PTPRD: variants seen among roughly 807,000 people sequenced by gnomAD.
PTPRD encodes protein tyrosine phosphatase receptor type D.
In PTPRD, 34 loss-of-function variants were observed where a neutral mutation model predicts 214.5. The ratio of observed to expected loss-of-function variants is 0.16; its 90% CI spans 0.12 to 0.21. The LOEUF (loss-of-function observed/expected upper bound fraction) is 0.21, where lower values mean the gene tolerates loss of function less well. PTPRD is among the 10% of genes least tolerant of loss of function. The pLI is 1.00. For synonymous variants in PTPRD, 1,128 were observed against 845.7 expected, an observed-to-expected ratio of 1.33 and a Z score of -5.79; for missense variants, 2,545 against 2,398.7, an observed-to-expected ratio of 1.06 and a Z score of -1.27.
intron 11 of PTPRD, among the ~76,000 whole-genome samples, chr9:8,899,494 GA>G (rs1403823623): frequency 5.3e-5 from 8 of 152,228 alleles, no homozygotes; most frequent in African/African-American, 1.9e-4. Context: ...GTAATACTTG[GA>G]TGGTGTCAGA....
intron 4 of PTPRD, among the ~76,000 whole-genome samples, chr9:9,954,624 G>C (rs983495928): frequency 9.2e-5 from 14 of 151,992 alleles, no homozygotes; most frequent in Non-Finnish European, 1.5e-4. Context: ...ATATTAACTA[G>C]TTTTCTTTTA....
intron 3 of PTPRD, among the ~76,000 whole-genome samples, chr9:10,051,049 T>C (rs1279522166): frequency 1.3e-5 from 2 of 152,130 alleles, no homozygotes; most frequent in Admixed American, 6.5e-5. Flanking sequence ...AAAGTTGTTA[T>C]ATTCTCACAA....
chr9:8,330,644 C>A (rs1839425098), intron 44 of PTPRD, among the ~76,000 whole-genome samples: 1 of 152,106 alleles, frequency 6.6e-6, no homozygotes, highest in South Asian at 2.1e-4. Flanking sequence ...CTAGAAGGGA[C>A]TTTAAACCTC....
chr9:8,391,635 A>G (rs925425552), intron 36 of PTPRD, among the ~76,000 whole-genome samples: 3 of 152,204 alleles, frequency 2.0e-5, no homozygotes, highest in East Asian at 1.9e-4. Flanking sequence ...TAGCAACATT[A>G]AAGAATTGAT....
chr9:10,016,670 G>GT (rs137867470), intron 4 of PTPRD, among the ~76,000 whole-genome samples: 2,510 of 148,524 alleles, frequency 0.017, 39 homozygotes, highest in African/African-American at 0.035. Context: ...CCTCCTGTGG[G>GT]TTGTTTTTTT....
At chr9:9,723,845 G>C (rs1189949042) in intron 7 of PTPRD, among the ~76,000 whole-genome samples, 6 of 152,036 alleles carry the variant, frequency 3.9e-5, no homozygotes, top group Non-Finnish European at 5.9e-5. Flanking sequence ...TCATTGGTTT[G>C]TAAAGTATTA....
chr9:9,035,928 T>C (rs145942802), intron 10 of PTPRD, among the ~76,000 whole-genome samples: 2 of 152,256 alleles, frequency 1.3e-5, no homozygotes, highest in East Asian at 1.9e-4. Flanking sequence ...TGAAGACTAA[T>C]GCTAGTAGCT....
intron 3 of PTPRD, among the ~76,000 whole-genome samples, chr9:10,167,635 T>C (rs2099167466): frequency 6.6e-6 from 1 of 152,216 alleles, no homozygotes; most frequent in Non-Finnish European, 1.5e-5. Context: ...GGATGATTTA[T>C]GAAGTTTTCT....
At chr9:8,341,592 C>A in intron 40 of PTPRD, 101 bp downstream of exon 40, 1 of 1,345,048 alleles carries the variant, frequency 7.4e-7, no homozygotes, top group Non-Finnish European at 1.0e-6. Flanking sequence ...TCAAATGAAT[C>A]TTGTACTTCA....
Position 8,621,362 on chromosome 9 carries a change from T to C in PTPRD, c.352+11955A>G, listed in dbSNP as rs58308360. ...AAGACATCACATCAGCATTTCACCA[T>C]TATGCGGTAAAGTAATTTTAATTTT... On this transcript the variant is annotated intron_variant, in intron 14 of 45. Transcript: ENST00000381196. Among the ~76,000 whole-genome samples the C allele has an allele frequency of 2.1e-3, 326 of 152,126 alleles. 1 individual carries two copies. The highest frequency in any genetic ancestry group is 7.6e-3 in the African/African-American group (316 of 41,550).
chr9:9,538,867 A>C (rs625900), intron 8 of PTPRD, among the ~76,000 whole-genome samples: 54,772 of 151,530 alleles, frequency 0.36, 10,168 homozygotes, highest in African/African-American at 0.38. Flanking sequence ...TTTCTTTTGG[A>C]ATATAATAAC....
intron 5 of PTPRD, among the ~76,000 whole-genome samples, chr9:9,830,495 C>T (rs987552046): frequency 2.6e-5 from 4 of 151,710 alleles, no homozygotes; most frequent in African/African-American, 4.8e-5. Context: ...TTTCATGACT[C>T]CTAGCATTGT....
At chr9:8,856,540 A>AATAT (rs143084012) in intron 11 of PTPRD, among the ~76,000 whole-genome samples, 2 of 151,846 alleles carry the variant, frequency 1.3e-5, no homozygotes, top group African/African-American at 2.4e-5. Context: ...TGCACATGTA[A>AATAT]ATATATATAT....
intron 14 of PTPRD, among the ~76,000 whole-genome samples, chr9:8,605,558 T>A (rs1161164918): frequency 6.6e-6 from 1 of 152,202 alleles, no homozygotes; most frequent in Non-Finnish European, 1.5e-5. Flanking sequence ...GATGGGCTAG[T>A]TACTGTGAGT....
chr9:8,468,917 G>C (rs923207189), intron 31 of PTPRD, among the ~76,000 whole-genome samples: 1 of 151,758 alleles, frequency 6.6e-6, no homozygotes, highest in Non-Finnish European at 1.5e-5. Context: ...TGTACTGGAG[G>C]TAATTCCAGA....
At chr9:9,465,077 G>A (rs2094021506) in intron 8 of PTPRD, among the ~76,000 whole-genome samples, 2 of 152,162 alleles carry the variant, frequency 1.3e-5, no homozygotes, top group Non-Finnish European at 2.9e-5. Context: ...GAGATCTCCT[G>A]CCCCAATGGC....
At chr9:10,206,589 A>C (rs1239369753) in intron 3 of PTPRD, among the ~76,000 whole-genome samples, 3 of 152,220 alleles carry the variant, frequency 2.0e-5, no homozygotes, top group Admixed American at 1.3e-4. Context: ...ACAGTTCTAA[A>C]TATTCTTATT....
chr9:9,204,107 G>A lies in PTPRD; in HGVS notation c.-202-20744C>T, dbSNP rs529418232. On this transcript the variant is annotated intron_variant, in intron 9 of 45. Coordinates refer to ENST00000381196, the MANE Select transcript of PTPRD (RefSeq NM_002839.4). ...ATTACTGCTAAAATTAATGCTGTGC[G>A]CCAGGGAACAGATGTGAATTCATCA... Among the ~76,000 whole-genome samples the A allele has an allele frequency of 6.6e-5, 10 of 152,146 alleles. No homozygotes were observed. In the South Asian group the frequency reaches 1.2e-3, roughly 19 times the overall value.
chr9:9,206,606 G>T (rs1383909842), intron 9 of PTPRD, among the ~76,000 whole-genome samples: 1 of 152,212 alleles, frequency 6.6e-6, no homozygotes, highest in Non-Finnish European at 1.5e-5. Context: ...CTGCCAGCCA[G>T]TGTGGCTAGA....
Sources: allele counts gnomAD v4.1 joint callset (sites outside exome capture counted in the v4.1 genomes callset), GRCh38; gene constraint gnomAD v4.1.1; transcripts MANE v1.5; gene names NCBI Gene and HGNC (gene_info 2026-07-23, HGNC 2026-07-21).